KLHL32: variants seen among roughly 807,000 people sequenced by gnomAD.
The protein encoded by KLHL32 is kelch-like protein 32.
A neutral mutation model predicts 64.8 loss-of-function variants in KLHL32; 35 were observed. The observed-to-expected ratio is 0.54, with a 90% CI of 0.41 to 0.72. The LOEUF (loss-of-function observed/expected upper bound fraction) is 0.72. Ranked by LOEUF, KLHL32 falls within the 30% of genes least tolerant of loss-of-function variation. The pLI is 0.00. For missense variants in KLHL32, 589 were observed against 768.5 expected (o/e 0.77, Z 2.76); for synonymous variants, 259 against 281.0 (o/e 0.92, Z 0.78).
intron 1 of KLHL32, among the ~76,000 whole-genome samples, chr6:96,959,779 A>T (rs1361572561): frequency 6.6e-6 from 1 of 152,164 alleles, no homozygotes; most frequent in Non-Finnish European, 1.5e-5. Flanking sequence ...AAGGCCTAGG[A>T]GCATTTGAAT....
chr6:96,927,207 G>A (rs1425258291), intron 1 of KLHL32, among the ~76,000 whole-genome samples: 1 of 151,986 alleles, frequency 6.6e-6, no homozygotes, highest in Non-Finnish European at 1.5e-5. Context: ...CTGGCTTAAT[G>A]TTTTTTTTCT....
At chr6:96,901,334 T>G in the KLHL32 span, among the ~76,000 whole-genome samples, 1 of 152,090 alleles carries the variant, frequency 6.6e-6, no homozygotes, top group African/African-American at 2.4e-5. Flanking sequence ...ATGCCTTTTT[T>G]TTTTTTTTAC....
chr6:96,911,793 C>G, the KLHL32 span, among the ~76,000 whole-genome samples: 2 of 94,244 alleles, frequency 2.1e-5, no homozygotes, highest in Non-Finnish European at 4.4e-5. Context: ...TTGAAATATT[C>G]TTTTTCCATA....
chr6:96,993,306 G>A (rs1778093489), intron 3 of KLHL32, among the ~76,000 whole-genome samples: 1 of 151,870 alleles, frequency 6.6e-6, no homozygotes, highest in African/African-American at 2.4e-5. Flanking sequence ...GGAGGCTAGT[G>A]ATCTAAGTTG....
intron 4 of KLHL32, among the ~76,000 whole-genome samples, chr6:97,049,059 G>A (rs954818445): frequency 2.6e-5 from 4 of 152,160 alleles, no homozygotes; most frequent in African/African-American, 9.7e-5. Context: ...GAAGAATATA[G>A]CATCCCTTCC....
intron 5 of KLHL32, among the ~76,000 whole-genome samples, chr6:97,073,359 T>C (rs1036842586): frequency 8.5e-5 from 13 of 152,176 alleles, no homozygotes; most frequent in South Asian, 6.2e-4. Flanking sequence ...ACCGTCACTT[T>C]CTTTCTGCCT....
the KLHL32 span, among the ~76,000 whole-genome samples, chr6:96,901,656 T>G: frequency 6.6e-6 from 1 of 152,238 alleles, no homozygotes; most frequent in Admixed American, 6.5e-5. Context: ...GATGACGGTT[T>G]GCTGCACAGA....
At chr6:96,901,407 C>T in the KLHL32 span, among the ~76,000 whole-genome samples, 5 of 151,686 alleles carry the variant, frequency 3.3e-5, no homozygotes, top group Admixed American at 3.3e-4. Flanking sequence ...GCAGTTGCAT[C>T]ACTTCATTGT....
Position 97,114,439 on chromosome 6 carries a change from T to G in KLHL32, c.1284T>G (p.Phe428Leu). The change falls in exon 7 of 11, where the codon TTT becomes TTG. Residue 428 changes from phenylalanine to leucine, a missense_variant. Around this residue, in one of 3 missense-constraint regions of KLHL32, gnomAD observed 226 missense variants for 353.2 expected, o/e 0.64. Transcript: ENST00000369261. Reference protein sequence around the residue: ...RYCPKKNKWTFVQSFDRSLSC... With the variant: ...RYCPKKNKWTLVQSFDRSLSC... The stretch of plus-strand genomic sequence containing the variant: ...GCCCCAAGAAGAACAAATGGACTTT[T>G]GTTCAGTCCTTTGACAGATCCCTTT... 1.2e-6 allele frequency: 2 copies of G among 1,614,242 alleles called. No individual in the cohort carries two copies. The highest frequency in any genetic ancestry group is 1.7e-6 in the Non-Finnish European group (2 of 1,180,040).
At chr6:97,035,414 A>AT (rs1203955008) in intron 3 of KLHL32, among the ~76,000 whole-genome samples, 2 of 151,792 alleles carry the variant, frequency 1.3e-5, no homozygotes, top group Non-Finnish European at 2.9e-5. Flanking sequence ...TGTATATTTA[A>AT]TTTTGCCAGT....
At chr6:96,973,486 A>G (rs1199294143) in intron 2 of KLHL32, among the ~76,000 whole-genome samples, 3 of 152,166 alleles carry the variant, frequency 2.0e-5, no homozygotes, top group Non-Finnish European at 4.4e-5. Flanking sequence ...AGTTTCAAAT[A>G]TATTTTCTAA....
chr6:97,105,640 C>A, intron 6 of KLHL32: 1 of 371,600 alleles, frequency 2.7e-6, no homozygotes, highest in Non-Finnish European at 5.4e-6. Flanking sequence ...ATAATAGCTG[C>A]CCCTGGCCAA....
intron 5 of KLHL32, among the ~76,000 whole-genome samples, chr6:97,074,569 A>G (rs1430028315): frequency 6.6e-6 from 1 of 151,724 alleles, no homozygotes; most frequent in Non-Finnish European, 1.5e-5. Flanking sequence ...ATTCGTAATA[A>G]TGATTAAGAC....
intron 7 of KLHL32, among the ~76,000 whole-genome samples, chr6:97,118,790 G>A (rs1434608740): frequency 6.6e-6 from 1 of 152,124 alleles, no homozygotes; most frequent in Non-Finnish European, 1.5e-5. Flanking sequence ...ACCTCTCCAA[G>A]TCCTGTTCCG....
intron 6 of KLHL32, among the ~76,000 whole-genome samples, chr6:97,086,051 C>G (rs944020697): frequency 6.6e-6 from 1 of 152,194 alleles, no homozygotes; most frequent in Non-Finnish European, 1.5e-5. Context: ...AGTCAGAGAG[C>G]CTATCTTCCT....
chr6:97,050,542 G>T (rs1188200728), intron 4 of KLHL32, among the ~76,000 whole-genome samples: 4 of 152,252 alleles, frequency 2.6e-5, no homozygotes, highest in Non-Finnish European at 5.9e-5. Flanking sequence ...CAGATGTAAG[G>T]CAAGCAGGAA....
intron 3 of KLHL32, among the ~76,000 whole-genome samples, chr6:97,008,903 G>A (rs976685213): frequency 2.0e-5 from 3 of 151,902 alleles, no homozygotes; most frequent in African/African-American, 4.8e-5. Context: ...GTGCTTAGCC[G>A]GCCGTCTTGG....
intron 9 of KLHL32, 149 bp from the exon 10 acceptor site, chr6:97,132,504 C>A (rs934338105): frequency 6.5e-6 from 4 of 611,114 alleles, no homozygotes; most frequent in Non-Finnish European, 1.1e-5. Flanking sequence ...TTTCTGAGTA[C>A]TGGGAGGCAG....
intron 2 of KLHL32, among the ~76,000 whole-genome samples, chr6:96,971,259 GT>G (rs1447395340): frequency 6.6e-6 from 1 of 152,170 alleles, no homozygotes; most frequent in East Asian, 1.9e-4. Flanking sequence ...CCATATAGCT[GT>G]TTTCGGAATT....
Sources: gnomAD v4.1 joint callset for allele counts (sites outside exome capture counted in the v4.1 genomes callset) on GRCh38, gnomAD v4.1.1 for gene constraint, gnomAD v4.1.1 regional missense constraint, MANE v1.5 for transcripts, NCBI Gene and HGNC (gene_info 2026-07-23, HGNC 2026-07-21) for gene names.